NKAIN2: variants seen among roughly 807,000 people sequenced by gnomAD.
NKAIN2 encodes sodium/potassium transporting ATPase interacting 2, also known as sodium/potassium-transporting ATPase subunit beta-1-interacting protein 2.
Under a neutral mutation model 32.6 loss-of-function variants are expected in NKAIN2, and 14 were observed. That is an observed-to-expected ratio of 0.43 (90% CI 0.28 to 0.67). The LOEUF (loss-of-function observed/expected upper bound fraction) is 0.67. Ranked by LOEUF, NKAIN2 falls within the 30% of genes least tolerant of loss-of-function variation. The probability of loss-of-function intolerance (pLI) is 0.17; values close to 1 mark genes in which losing one functional copy is unlikely to be tolerated. For synonymous variants in NKAIN2, 80 were observed against 87.2 expected, an observed-to-expected ratio of 0.92 and a Z score of 0.46; for missense variants, 198 against 258.3, an observed-to-expected ratio of 0.77 and a Z score of 1.60.
intron 6 of NKAIN2, chr6:124,819,146 T>TGAATTGCAAGC: frequency 1.0e-6 from 1 of 964,102 alleles, no homozygotes. Context: ...AGTGATATGC[T>TGAATTGCAAGC]GAATTGCAAG....
At chr6:123,938,715 A>C (rs1275707137) in intron 1 of NKAIN2, among the ~76,000 whole-genome samples, 1 of 150,188 alleles carries the variant, frequency 6.7e-6, no homozygotes, top group Admixed American at 6.8e-5. Flanking sequence ...GATACTAAAA[A>C]TATGGGAGAA....
chr6:124,477,347 T>C (rs890801990), intron 3 of NKAIN2, among the ~76,000 whole-genome samples: 1 of 152,156 alleles, frequency 6.6e-6, no homozygotes, highest in Non-Finnish European at 1.5e-5. Context: ...GTCTGGACAT[T>C]GGGAGGGAGA....
At chr6:124,253,078 T>A (rs1793758155) in intron 1 of NKAIN2, among the ~76,000 whole-genome samples, 1 of 152,130 alleles carries the variant, frequency 6.6e-6, no homozygotes, top group Non-Finnish European at 1.5e-5. Flanking sequence ...ATATATAGAA[T>A]GACATGGCGG....
intron 5 of NKAIN2, among the ~76,000 whole-genome samples, chr6:124,814,214 G>A (rs988460099): frequency 1.3e-5 from 2 of 152,180 alleles, no homozygotes; most frequent in African/African-American, 4.8e-5. Context: ...GTTGGATCCA[G>A]TTGATGCCTA....
rs186238350 is a variant in NKAIN2 at position 124,017,757 on chromosome 6, C to T, written c.54+213503C>T. On this transcript the variant is annotated intron_variant, in intron 1 of 6. Transcript: ENST00000368417. Reference sequence around the variant, plus strand: ...GCCTTCTGCAGCTCTACCTCTGTGGCTTTACATAGTACAGCACCCCCCACC... The same window carrying T: ...GCCTTCTGCAGCTCTACCTCTGTGGTTTTACATAGTACAGCACCCCCCACC... 2.6e-3 allele frequency among the ~76,000 whole-genome samples: 397 copies of T among 152,284 alleles called. 1 individual carries two copies. Among genetic ancestry groups the T allele is most frequent in the Non-Finnish European group, 4.3e-3 (292 of 68,016 alleles).
chr6:124,353,947 T>C (rs1038653318), intron 2 of NKAIN2, among the ~76,000 whole-genome samples: 1 of 152,200 alleles, frequency 6.6e-6, no homozygotes, highest in Non-Finnish European at 1.5e-5. Context: ...GGAACTCACC[T>C]AGAAAGGTTG....
At chr6:124,758,347 T>C (rs963683757) in intron 4 of NKAIN2, among the ~76,000 whole-genome samples, 11 of 152,016 alleles carry the variant, frequency 7.2e-5, no homozygotes, top group African/African-American at 2.4e-4. Context: ...CATAAGAATA[T>C]ATTTTAGAAA....
At chr6:123,937,675 G>A (rs1776583607) in intron 1 of NKAIN2, among the ~76,000 whole-genome samples, 2 of 152,006 alleles carry the variant, frequency 1.3e-5, no homozygotes, top group African/African-American at 4.8e-5. Flanking sequence ...TACATAGCTA[G>A]GGACGGCCTG....
At chr6:124,212,368 A>C (rs1274866503) in intron 1 of NKAIN2, among the ~76,000 whole-genome samples, 2 of 152,142 alleles carry the variant, frequency 1.3e-5, no homozygotes, top group African/African-American at 4.8e-5. Flanking sequence ...TGAAGCCTTA[A>C]TTAGCGACAG....
At chr6:124,755,326 T>C (rs1777914152) in intron 4 of NKAIN2, among the ~76,000 whole-genome samples, 1 of 152,176 alleles carries the variant, frequency 6.6e-6, no homozygotes, top group Admixed American at 6.5e-5. Flanking sequence ...CTAGCCATAC[T>C]GGCAGCTGAT....
chr6:123,868,386 A>G (rs1040779106), intron 1 of NKAIN2, among the ~76,000 whole-genome samples: 1 of 152,156 alleles, frequency 6.6e-6, no homozygotes, highest in Admixed American at 6.5e-5. Context: ...GCTTCACAGG[A>G]CCATTTTTCC....
At chr6:123,868,098 G>A (rs917908290) in intron 1 of NKAIN2, among the ~76,000 whole-genome samples, 5 of 152,054 alleles carry the variant, frequency 3.3e-5, no homozygotes, top group African/African-American at 1.2e-4. Flanking sequence ...TTGATCTCCT[G>A]ACCTTGTGAT....
At chr6:124,279,680 A>G (rs889909529) in intron 1 of NKAIN2, among the ~76,000 whole-genome samples, 4 of 152,140 alleles carry the variant, frequency 2.6e-5, no homozygotes, top group African/African-American at 9.7e-5. Context: ...TTTAAATTTT[A>G]TAAGTAAAAT....
chr6:123,848,868 A>G (rs1408295158), intron 1 of NKAIN2, among the ~76,000 whole-genome samples: 1 of 152,228 alleles, frequency 6.6e-6, no homozygotes, highest in Non-Finnish European at 1.5e-5. Context: ...CATGTCTGCC[A>G]GTTTTAAAGA....
At position 123,921,641 on chromosome 6, in the gene NKAIN2, A is replaced by G. The variant is rs188530770; in HGVS notation, c.54+117387A>G. Among the ~76,000 whole-genome samples, 255 of 152,262 alleles carry G rather than the reference A, an allele frequency of 1.7e-3. 2 individuals carry two copies. The highest frequency in any genetic ancestry group is 6.0e-3 in the African/African-American group (248 of 41,554). Reference sequence around the variant, plus strand: ...CTCTTCTACTTGCATTCAACTGTCAAATGGAAAGAAGATGACCATTGGAGA... The same window carrying G: ...CTCTTCTACTTGCATTCAACTGTCAGATGGAAAGAAGATGACCATTGGAGA... On this transcript the variant is annotated intron_variant, in intron 1 of 6. Coordinates refer to ENST00000368417, the MANE Select transcript of NKAIN2 (RefSeq NM_001040214.3).
chr6:124,066,770 T>A (rs754547633), intron 1 of NKAIN2, among the ~76,000 whole-genome samples: 1 of 152,140 alleles, frequency 6.6e-6, no homozygotes. Flanking sequence ...TAAACAGGAA[T>A]GCATATAATC....
At chr6:124,288,941 T>TG (rs1320675694) in intron 2 of NKAIN2, among the ~76,000 whole-genome samples, 1 of 150,884 alleles carries the variant, frequency 6.6e-6, no homozygotes, top group Non-Finnish European at 1.5e-5. Context: ...TAAAATCAAA[T>TG]GAAGGAGAAA....
chr6:124,236,113 A>C (rs1487495073), intron 1 of NKAIN2, among the ~76,000 whole-genome samples: 1 of 152,116 alleles, frequency 6.6e-6, no homozygotes, highest in East Asian at 1.9e-4. Flanking sequence ...TAATATGTTT[A>C]AATTTAAGTG....
At chr6:124,488,930 C>A (rs1038821386) in intron 3 of NKAIN2, among the ~76,000 whole-genome samples, 2 of 151,812 alleles carry the variant, frequency 1.3e-5, no homozygotes, top group Non-Finnish European at 2.9e-5. Context: ...AGGTATTAGT[C>A]ATTTGATCCT....
Sources: allele counts gnomAD v4.1 joint callset (sites outside exome capture counted in the v4.1 genomes callset), GRCh38; gene constraint gnomAD v4.1.1; transcripts MANE v1.5; gene names NCBI Gene and HGNC (gene_info 2026-07-23, HGNC 2026-07-21).